The following RTL1 variants were observed in gnomAD, a reference collection of about 807,000 sequenced individuals.
RTL1 encodes the protein retrotransposon-like protein 1.
For synonymous variants in RTL1, 727 were observed against 748.4 expected, an observed-to-expected ratio of 0.97 and a Z score of 0.47; for missense variants, 1,681 against 1,767.5, an observed-to-expected ratio of 0.95 and a Z score of 0.88.
intron 2 of RTL1, chr14:100,897,779 G>GC (rs2038886824): frequency 1.1e-4 from 12 of 112,788 alleles, no homozygotes; most frequent in African/African-American, 5.8e-4. Context: ...GGTGGGGGGC[G>GC]GGGGGGGGCA....
rs1408973207 is a variant in RTL1 at position 100,882,532 on chromosome 14, G to A, written c.2257C>T (p.Leu753=). 1.3e-6 allele frequency: 2 copies of A among 1,551,760 alleles called. No individual in the cohort carries two copies. Among genetic ancestry groups the A allele is most frequent in the Non-Finnish European group, 8.7e-7 (1 of 1,147,056 alleles). Residue 753 remains leucine, a synonymous_variant, in exon 4 of 4, where the codon CTG becomes TTG. Transcript: ENST00000649591. ...ACGTTGTGATGGCGGAAGCGGACCAGGACTTGGCGGACGTGGTGGAGGTGC... is the reference window on the plus strand; with the variant it reads ...ACGTTGTGATGGCGGAAGCGGACCAAGACTTGGCGGACGTGGTGGAGGTGC... ...EEHLHHVRQV[L]VRFRHHNVYC... is the part of the protein sequence containing the mutation.
At chr14:100,901,767 A>C (rs1347151586) in intron 2 of RTL1, among the ~76,000 whole-genome samples, 1 of 152,132 alleles carries the variant, frequency 6.6e-6, no homozygotes, top group African/African-American at 2.4e-5. Flanking sequence ...AGTTGGCAGC[A>C]GGACAGTCCC....
At chr14:100,888,724 A>G (rs1183982590) in intron 3 of RTL1, among the ~76,000 whole-genome samples, 1 of 152,246 alleles carries the variant, frequency 6.6e-6, no homozygotes, top group Non-Finnish European at 1.5e-5. Context: ...TTTATTGGCT[A>G]AATCAAATTC....
intron 2 of RTL1, among the ~76,000 whole-genome samples, chr14:100,900,449 A>C (rs2092965): frequency 6.6e-6 from 1 of 151,854 alleles, no homozygotes; most frequent in Non-Finnish European, 1.5e-5. Context: ...GAGCCTGGTC[A>C]GGCACATGTC....
chr14:100,891,777 C>T (rs1236760522), intron 3 of RTL1, among the ~76,000 whole-genome samples: 1 of 152,204 alleles, frequency 6.6e-6, no homozygotes, highest in Admixed American at 6.5e-5. Flanking sequence ...CAGGTCTGCA[C>T]CGGCCTCCTA....
chr14:100,880,777 G>A lies in RTL1; in HGVS notation c.4012C>T (p.Gln1338Ter), dbSNP rs909345696. 39 of 1,550,692 alleles carry A rather than the reference G, an allele frequency of 2.5e-5. No homozygotes were observed. Among genetic ancestry groups the A allele is most frequent in the Non-Finnish European group, 3.2e-5 (37 of 1,146,972 alleles). ...RALPIPAWESQPREQARLEEL... is the reference protein window; with the variant it reads ...RALPIPAWES The stretch of plus-strand genomic sequence containing the variant: ...TCTAGCCTTGCCTGCTCCCTGGGCT[G>A]GCTCTCCCAGGCGGGGATGGGCAGG... Residue 1338 changes from glutamine to a stop codon, truncating the protein, a stop_gained, in exon 4 of 4, where the codon CAG becomes TAG. Coordinates refer to ENST00000649591, the MANE Select transcript of RTL1 (RefSeq NM_001134888.3). LOFTEE classifies it low-confidence loss of function (END_TRUNC).
At chr14:100,887,924 G>T (rs1048331029) in intron 3 of RTL1, among the ~76,000 whole-genome samples, 2 of 149,088 alleles carry the variant, frequency 1.3e-5, no homozygotes, top group African/African-American at 4.9e-5. Flanking sequence ...CGTCTCCTCA[G>T]CATGGAGCCC....
chr14:100,902,831 C>A (rs1218997282), intron 2 of RTL1, among the ~76,000 whole-genome samples: 1 of 152,184 alleles, frequency 6.6e-6, no homozygotes, highest in African/African-American at 2.4e-5. Flanking sequence ...TCAGACACTT[C>A]ATAAATGCTT....
Position 100,883,791 on chromosome 14 carries a change from T to C in RTL1, c.998A>G (p.Glu333Gly). The C allele has an allele frequency of 1.9e-6, 3 of 1,551,664 alleles. No homozygotes were observed. The highest frequency in any genetic ancestry group is 2.6e-6 in the Non-Finnish European group (3 of 1,146,976). ...QAHLCQGLNE[E>G]IRHYLFRVPQ... Reference sequence around the variant, plus strand: ...GACCCGGAATAGATAGTGCCTGATCTCCTCGTTGAGCCCCTGGCACAAGTG... The same window carrying C: ...GACCCGGAATAGATAGTGCCTGATCCCCTCGTTGAGCCCCTGGCACAAGTG... Residue 333 changes from glutamate to glycine, a missense_variant, in exon 4 of 4, where the codon GAG becomes GGG. Coordinates refer to ENST00000649591, the MANE Select transcript of RTL1 (RefSeq NM_001134888.3). The surrounding 1 kb of genome is among the most constrained non-coding windows in gnomAD (Gnocchi z 5.9).
intron 2 of RTL1, chr14:100,897,957 C>T (rs544532611): frequency 3.9e-6 from 2 of 516,696 alleles, no homozygotes; most frequent in East Asian, 5.5e-5. Flanking sequence ...AACAAAAGAT[C>T]ATGATTAATC....
chr14:100,890,078 A>AAAAAAAAAAAAAAC, intron 3 of RTL1, among the ~76,000 whole-genome samples: 1 of 150,462 alleles, frequency 6.6e-6, no homozygotes, highest in Non-Finnish European at 1.5e-5. Flanking sequence ...TTATTTGAAA[A>AAAAAAAAAAAAAAC]AAAAAAAAAA....
At position 100,883,369 on chromosome 14, in the gene RTL1, G is replaced by A; in HGVS notation, c.1420C>T (p.Leu474Phe). 1 of 1,550,940 alleles carries A rather than the reference G, an allele frequency of 6.4e-7. No individual in the cohort carries two copies. The highest frequency in any genetic ancestry group is 1.2e-5 in the South Asian group (1 of 84,030). The change falls in exon 4 of 4, where the codon CTC (leucine) becomes TTC (phenylalanine). Residue 474 changes from leucine to phenylalanine, a missense_variant. Physicochemically the swap from Leu to Phe is conservative, Grantham distance 22. Transcript: ENST00000649591. The surrounding 1 kb of genome is among the most constrained non-coding windows in gnomAD (Gnocchi z 5.9). ...ATACACACCAGGGGCTCCGTGTAGAGCCAGACAGGCTCGTTGCCAATCAGC... is the reference window on the plus strand; with the variant it reads ...ATACACACCAGGGGCTCCGTGTAGAACCAGACAGGCTCGTTGCCAATCAGC... ...GSLIGNEPVW[L>F]YTEPLVCIHQ... is the part of the protein sequence containing the mutation.
chr14:100,899,585 G>A (rs2038914169), intron 2 of RTL1, among the ~76,000 whole-genome samples: 1 of 152,022 alleles, frequency 6.6e-6, no homozygotes, highest in Non-Finnish European at 1.5e-5. Flanking sequence ...TTCTCTCCCA[G>A]GGGAAGGGAG....
chr14:100,891,691 T>C (rs2038781591), intron 3 of RTL1, among the ~76,000 whole-genome samples: 1 of 152,216 alleles, frequency 6.6e-6, no homozygotes, highest in African/African-American at 2.4e-5. Context: ...CTTGTCCTTC[T>C]TGTCTTGCCC....
intron 3 of RTL1, among the ~76,000 whole-genome samples, chr14:100,885,502 AG>A (rs2038685299): frequency 6.7e-6 from 1 of 149,436 alleles, no homozygotes; most frequent in Non-Finnish European, 1.5e-5. Context: ...TAGAAATTTC[AG>A]GGGGTGTGTA....
rs973867647 is a variant in RTL1 at position 100,882,137 on chromosome 14, C to T, written c.2652G>A (p.Thr884=). The T allele has an allele frequency of 3.2e-6, 5 of 1,553,208 alleles. No homozygotes were observed. In the African/African-American group the frequency reaches 4.1e-5, roughly 13 times the overall value. The change falls in exon 4 of 4, where the codon ACG becomes ACA. Residue 884 remains threonine (T), a synonymous_variant. Coordinates refer to ENST00000649591, the MANE Select transcript of RTL1 (RefSeq NM_001134888.3). ...PFYLETGVTG[T]ALHASLIQID... ...TTTGGATCAGGGAGGCGTGCAGGGC[C>T]GTGCCGGTGACGCCGGTTTCCAAGT...
intron 3 of RTL1, among the ~76,000 whole-genome samples, chr14:100,890,319 G>T (rs947891710): frequency 1.3e-5 from 2 of 151,694 alleles, no homozygotes; most frequent in South Asian, 2.1e-4. Context: ...GGGGGGCCAT[G>T]GGGGGGACAA....
chr14:100,899,631 C>T (rs1393283592), intron 2 of RTL1, among the ~76,000 whole-genome samples: 1 of 151,160 alleles, frequency 6.6e-6, no homozygotes, highest in Non-Finnish European at 1.5e-5. Context: ...ACCCTGAGCA[C>T]AGACCCAGCT....
Position 100,884,781 on chromosome 14 carries a change from T to A in RTL1, c.8A>T (p.Glu3Val). ...CGTCTCAAATGAGTCTTCAGAGGGT[T>A]CTATCATTTCGTCGGATGGAAAGGA... is the stretch of plus-strand genomic sequence containing the variant. MI[E>V]PSEDSFETMM... Residue 3 changes from glutamate (E) to valine (V), a missense_variant, in exon 4 of 4, where the codon GAA becomes GTA. Transcript: ENST00000649591. 1 of 1,563,802 alleles carries A rather than the reference T, an allele frequency of 6.4e-7. No individual in the cohort carries two copies. Among genetic ancestry groups the A allele is most frequent in the Non-Finnish European group, 8.7e-7 (1 of 1,155,440 alleles).
Sources: allele counts gnomAD v4.1 joint callset (sites outside exome capture counted in the v4.1 genomes callset), GRCh38; gene constraint gnomAD v4.1.1; non-coding constraint Gnocchi (gnomAD v3.1); transcripts MANE v1.5; gene names NCBI Gene and HGNC (gene_info 2026-07-23, HGNC 2026-07-21).